KAT6A: variants seen among roughly 807,000 people sequenced by gnomAD.
KAT6A encodes the protein lysine acetyltransferase 6A, also known as histone acetyltransferase KAT6A.
Under a neutral mutation model 198.4 loss-of-function variants are expected in KAT6A, and 9 were observed. The ratio of observed to expected loss-of-function variants is 0.05; its 90% CI spans 0.03 to 0.08. The LOEUF is 0.08. Among genes scored for constraint, KAT6A ranks in the 10% least tolerant of loss-of-function variants. KAT6A has a pLI of 1.00. For synonymous variants in KAT6A, 890 were observed against 883.0 expected (o/e 1.01, Z -0.14); for missense variants, 2,077 against 2,509.9 (o/e 0.83, Z 3.69).
intron 2 of KAT6A, among the ~76,000 whole-genome samples, chr8:42,032,082 A>G (rs1271043095): frequency 6.6e-6 from 1 of 152,024 alleles, no homozygotes; most frequent in East Asian, 1.9e-4. Flanking sequence ...GGCGCCTGCC[A>G]CCATGCCTGG....
At chr8:42,029,216 C>A (rs754017995) in intron 2 of KAT6A, among the ~76,000 whole-genome samples, 1 of 152,162 alleles carries the variant, frequency 6.6e-6, no homozygotes, top group Admixed American at 6.5e-5. Flanking sequence ...TTTTAGAATT[C>A]TCTGTCTTTG....
chr8:41,935,937 C>G lies in KAT6A; in HGVS notation c.3353-1070G>C, dbSNP rs561214545. The stretch of plus-strand genomic sequence containing the variant: ...CTCTGTAGAATCATTCATGATAGAG[C>G]AAAGAACACATTCATCTTATCACTA... On this transcript the variant is annotated intron_variant, in intron 16 of 16. Transcript: ENST00000265713. 2.1e-4 allele frequency among the ~76,000 whole-genome samples: 32 copies of G among 152,330 alleles called. No individual in the cohort carries two copies. The East Asian group carries it at 5.0e-3, about 24-fold the overall frequency.
At chr8:42,037,336 T>G (rs961041461) in intron 2 of KAT6A, among the ~76,000 whole-genome samples, 1 of 152,158 alleles carries the variant, frequency 6.6e-6, no homozygotes, top group Admixed American at 6.5e-5. Flanking sequence ...AGTTAGATAT[T>G]TAAAGATGCC....
chr8:41,953,622 C>G (rs1369854478), intron 9 of KAT6A, among the ~76,000 whole-genome samples: 2 of 152,144 alleles, frequency 1.3e-5, no homozygotes, highest in Non-Finnish European at 2.9e-5. Flanking sequence ...TACAGGCACC[C>G]ACCACCACGC....
At chr8:41,958,560 G>A (rs994012074) in intron 8 of KAT6A, among the ~76,000 whole-genome samples, 3 of 152,178 alleles carry the variant, frequency 2.0e-5, no homozygotes, top group African/African-American at 7.2e-5. Context: ...CCAAAGAAAT[G>A]AAGCTACAAG....
intron 2 of KAT6A, among the ~76,000 whole-genome samples, chr8:42,022,846 A>G (rs1564071440): frequency 6.6e-6 from 1 of 152,260 alleles, no homozygotes; most frequent in African/African-American, 2.4e-5. Context: ...ATACACTCAT[A>G]CAATGAAACA....
In KAT6A at chr8:41,934,087, G is replaced by A; in HGVS notation, c.4133C>T (p.Pro1378Leu). Residue 1378 changes from proline (P) to leucine (L), a missense_variant, in exon 17 of 17, where the codon CCT becomes CTT. Coordinates refer to ENST00000265713, the MANE Select transcript of KAT6A (RefSeq NM_006766.5). ...ETELDSEEEQ[P>L]SHDTSVVSEQ... is the part of the protein sequence containing the mutation. Reference sequence around the variant, plus strand: ...TGACACCACGGACGTGTCATGGGAAGGCTGCTCCTCTTCGGAATCCAGCTC... The same window carrying A: ...TGACACCACGGACGTGTCATGGGAAAGCTGCTCCTCTTCGGAATCCAGCTC... The A allele has an allele frequency of 9.3e-6, 15 of 1,614,158 alleles. No homozygotes were observed. The highest frequency in any genetic ancestry group is 1.3e-5 in the Non-Finnish European group (15 of 1,180,038).
At chr8:41,965,012 T>C (rs570993663) in intron 8 of KAT6A, among the ~76,000 whole-genome samples, 32 of 152,322 alleles carry the variant, frequency 2.1e-4, no homozygotes, top group Non-Finnish European at 3.1e-4. Flanking sequence ...AGGGTGATTA[T>C]TGGCCCATCA....
chr8:41,989,528 A>G (rs62510282), intron 2 of KAT6A, among the ~76,000 whole-genome samples: 43 of 149,614 alleles, frequency 2.9e-4, no homozygotes, highest in African/African-American at 7.6e-4. Context: ...AACATAACGT[A>G]ACGTGACGTG....
intron 2 of KAT6A, among the ~76,000 whole-genome samples, chr8:42,028,004 C>G (rs1029920462): frequency 6.6e-6 from 1 of 152,022 alleles, no homozygotes; most frequent in Non-Finnish European, 1.5e-5. Flanking sequence ...TCTTCATTGA[C>G]CCAGTGATTG....
chr8:42,050,887 TA>T (rs1802582473), intron 1 of KAT6A, among the ~76,000 whole-genome samples: 1 of 152,088 alleles, frequency 6.6e-6, no homozygotes, highest in Non-Finnish European at 1.5e-5. Context: ...CCTCGGATCT[TA>T]ACTCCCGGAA....
In KAT6A at chr8:42,019,065, T is replaced by C. The variant is rs113176487; in HGVS notation, c.600+29313A>G. Among the ~76,000 whole-genome samples, 71 of 152,300 alleles carry C rather than the reference T, an allele frequency of 4.7e-4. 1 individual carries two copies. The highest frequency in any genetic ancestry group is 1.5e-3 in the African/African-American group (62 of 41,578). On this transcript the variant is annotated intron_variant, in intron 2 of 16. Coordinates refer to ENST00000265713, the MANE Select transcript of KAT6A (RefSeq NM_006766.5). The stretch of plus-strand genomic sequence containing the variant: ...TAATCAATGAATGTTAGAGAATAAA[T>C]TCTCCACACAAAAAGGCAACATATC...
chr8:42,041,297 T>C (rs1053945017), intron 2 of KAT6A, among the ~76,000 whole-genome samples: 1 of 152,130 alleles, frequency 6.6e-6, no homozygotes, highest in African/African-American at 2.4e-5. Flanking sequence ...TTTTGAAGAA[T>C]AAATCTGCTA....
chr8:41,975,944 T>C (rs1227314318), intron 7 of KAT6A, among the ~76,000 whole-genome samples: 1 of 152,224 alleles, frequency 6.6e-6, no homozygotes, highest in Non-Finnish European at 1.5e-5. Context: ...ACGGATTGCA[T>C]ATTTTCTTAG....
At chr8:42,046,169 A>C (rs1365181770) in intron 2 of KAT6A, among the ~76,000 whole-genome samples, 2 of 152,240 alleles carry the variant, frequency 1.3e-5, no homozygotes. Flanking sequence ...AAATATGCTC[A>C]AATGACATTT....
At chr8:41,958,277 T>C (rs1233858720) in intron 8 of KAT6A, 1 of 152,228 alleles carries the variant, frequency 6.6e-6, no homozygotes, top group African/African-American at 2.4e-5. Flanking sequence ...TGCTAGACTC[T>C]GACCTGAGCC....
chr8:41,943,201 G>A (rs776898060), intron 13 of KAT6A, among the ~76,000 whole-genome samples: 9 of 152,128 alleles, frequency 5.9e-5, no homozygotes, highest in East Asian at 1.9e-4. Context: ...GCTCTCTACC[G>A]TGGCCGCGGG....
intron 2 of KAT6A, among the ~76,000 whole-genome samples, chr8:42,016,687 A>C (rs1476152907): frequency 6.6e-6 from 1 of 152,204 alleles, no homozygotes; most frequent in Non-Finnish European, 1.5e-5. Context: ...AGAGATATAC[A>C]AGTAGATGGC....
chr8:41,955,743 T>TA (rs1175959334), intron 8 of KAT6A, among the ~76,000 whole-genome samples: 1 of 152,132 alleles, frequency 6.6e-6, no homozygotes, highest in South Asian at 2.1e-4. Context: ...CTTGGTGATA[T>TA]AAGATAAAGA....
Sources: gnomAD v4.1 joint callset for allele counts (sites outside exome capture counted in the v4.1 genomes callset) on GRCh38, gnomAD v4.1.1 for gene constraint, MANE v1.5 for transcripts, NCBI Gene and HGNC (gene_info 2026-07-23, HGNC 2026-07-21) for gene names.